EYS: variants seen among roughly 807,000 people sequenced by gnomAD.
The protein encoded by EYS is EGF-like photoreceptor maintenance factor, also known as protein eyes shut homolog.
In EYS, 250 loss-of-function variants were observed where a neutral mutation model predicts 282.1. The observed-to-expected ratio is 0.89, with a 90% CI of 0.80 to 0.98. The LOEUF (loss-of-function observed/expected upper bound fraction) is 0.98, where lower values mean the gene tolerates loss of function less well. Ranked by LOEUF, EYS falls within the 50% of genes least tolerant of loss-of-function variation. The pLI is 0.00. For synonymous variants in EYS, 1,355 were observed against 1,282.9 expected (o/e 1.06, Z -1.20); for missense variants, 4,016 against 3,709.0 (o/e 1.08, Z -2.15).
At chr6:65,181,534 C>T (rs2150233718) in intron 12 of EYS, among the ~76,000 whole-genome samples, 1 of 152,164 alleles carries the variant, frequency 6.6e-6, no homozygotes, top group South Asian at 2.1e-4. Flanking sequence ...GTTAGAATGG[C>T]AATCATTAAA....
chr6:64,104,114 T>C (rs963671026), intron 31 of EYS, among the ~76,000 whole-genome samples: 3 of 152,056 alleles, frequency 2.0e-5, no homozygotes, highest in East Asian at 1.9e-4. Flanking sequence ...TGGTTTCAAA[T>C]ATGGAAGAAA....
chr6:65,128,332 A>C (rs1775776553), intron 12 of EYS, among the ~76,000 whole-genome samples: 1 of 152,016 alleles, frequency 6.6e-6, no homozygotes, highest in South Asian at 2.1e-4. Flanking sequence ...TAGCTAGAAC[A>C]ATCAGGCAAG....
intron 33 of EYS, 146 bp downstream of exon 33, chr6:64,066,192 C>T (rs1240406998): frequency 3.7e-5 from 23 of 613,646 alleles, no homozygotes; most frequent in Non-Finnish European, 6.0e-5. Flanking sequence ...GCAGGAGAAT[C>T]GCTTGAACCC....
At chr6:63,900,493 C>T (rs1369644524) in intron 35 of EYS, among the ~76,000 whole-genome samples, 1 of 152,080 alleles carries the variant, frequency 6.6e-6, no homozygotes, top group African/African-American at 2.4e-5. Flanking sequence ...TCAAGCAGAT[C>T]TTAAGGATTG....
intron 2 of EYS, among the ~76,000 whole-genome samples, chr6:65,557,120 G>A (rs755175753): frequency 7.2e-5 from 11 of 152,070 alleles, no homozygotes; most frequent in Admixed American, 1.3e-4. Context: ...TAACAATGTC[G>A]CAAGATCCTT....
intron 12 of EYS, among the ~76,000 whole-genome samples, chr6:65,252,000 ACTTTC>A (rs1767338072): frequency 6.6e-6 from 1 of 151,874 alleles, no homozygotes; most frequent in Admixed American, 6.6e-5. Flanking sequence ...AGGGAGGGGA[ACTTTC>A]CTTTCTGTTT....
At chr6:64,320,742 A>G (rs571242970) in intron 29 of EYS, among the ~76,000 whole-genome samples, 1 of 151,672 alleles carries the variant, frequency 6.6e-6, no homozygotes, top group Non-Finnish European at 1.5e-5. Flanking sequence ...ATATTTAATC[A>G]TGTTTATTGA....
chr6:64,120,027 G>A (rs1039390437), intron 31 of EYS, among the ~76,000 whole-genome samples: 37 of 151,166 alleles, frequency 2.4e-4, no homozygotes, highest in African/African-American at 7.3e-4. Context: ...CCATATTATT[G>A]TGTTTTTTTA....
At chr6:64,600,478 C>T (rs1766729870) in intron 24 of EYS, among the ~76,000 whole-genome samples, 3 of 151,988 alleles carry the variant, frequency 2.0e-5, no homozygotes, top group African/African-American at 7.2e-5. Flanking sequence ...TACTTTGCTC[C>T]AAAACATGTA....
chr6:64,009,369 C>T (rs950660541), intron 33 of EYS, among the ~76,000 whole-genome samples: 5 of 151,456 alleles, frequency 3.3e-5, no homozygotes, highest in African/African-American at 7.3e-5. Context: ...CTGCAAGCTC[C>T]GCCCCCCAGG....
At chr6:65,108,800 ACT>A (rs1252948248) in intron 12 of EYS, among the ~76,000 whole-genome samples, 4 of 152,022 alleles carry the variant, frequency 2.6e-5, no homozygotes, top group East Asian at 1.9e-4. Context: ...TGCTTTCTCC[ACT>A]CTGTTACTAA....
At chr6:64,700,902 G>C (rs187893130) in intron 22 of EYS, among the ~76,000 whole-genome samples, 1 of 151,890 alleles carries the variant, frequency 6.6e-6, no homozygotes, top group Non-Finnish European at 1.5e-5. Context: ...AACAGAGCCC[G>C]AGTAAGCCAA....
chr6:64,243,278 A>T (rs1766897866), intron 30 of EYS, among the ~76,000 whole-genome samples: 1 of 152,016 alleles, frequency 6.6e-6, no homozygotes, highest in Non-Finnish European at 1.5e-5. Context: ...TTCTTTCTTT[A>T]TTAGCTTTTA....
At chr6:64,506,016 C>A (rs900356494) in intron 26 of EYS, among the ~76,000 whole-genome samples, 4 of 152,106 alleles carry the variant, frequency 2.6e-5, no homozygotes, top group African/African-American at 7.2e-5. Flanking sequence ...CACCTTCGCA[C>A]CTCATTCACA....
chr6:65,439,889 A>C (rs1768242118), intron 5 of EYS, among the ~76,000 whole-genome samples: 1 of 152,100 alleles, frequency 6.6e-6, no homozygotes, highest in African/African-American at 2.4e-5. Context: ...TTTAAACAGC[A>C]GCTGATAAAA....
intron 1 of EYS, among the ~76,000 whole-genome samples, chr6:65,704,656 A>G (rs1257530562): frequency 5.3e-5 from 8 of 152,238 alleles, no homozygotes; most frequent in Non-Finnish European, 5.9e-5. Flanking sequence ...ATAAAATATA[A>G]TAACTCAAGA....
chr6:65,246,586 A>G (rs530634046), intron 12 of EYS, among the ~76,000 whole-genome samples: 2 of 152,126 alleles, frequency 1.3e-5, no homozygotes, highest in East Asian at 3.9e-4. Flanking sequence ...CCCCCATAGT[A>G]ATATTTTTTT....
Position 65,335,272 on chromosome 6 carries a change from A to G in EYS, c.1600-126T>C, listed in dbSNP as rs190462222. 1.6e-4 allele frequency: 115 copies of G among 732,766 alleles called. No homozygotes were observed. In the East Asian group the frequency reaches 2.9e-3, roughly 18 times the overall value. 45.4% of individuals were successfully genotyped at this position (732,766 alleles called of 1,614,324 possible). On this transcript the variant is annotated intron_variant, in intron 10 of 42. Coordinates refer to ENST00000503581, the MANE Select transcript of EYS (RefSeq NM_001142800.2). ...TAAGATGAAACCTAGGGTTAAGGAA[A>G]CAGAAGGTAACTATTGGACAAGGGT...
intron 35 of EYS, among the ~76,000 whole-genome samples, chr6:63,971,735 T>C (rs921221838): frequency 1.3e-5 from 2 of 152,192 alleles, no homozygotes; most frequent in African/African-American, 2.4e-5. Flanking sequence ...TCCCACCACA[T>C]AGGTCTAACA....
Sources: gnomAD v4.1 joint callset for allele counts (sites outside exome capture counted in the v4.1 genomes callset) on GRCh38, gnomAD v4.1.1 for gene constraint, MANE v1.5 for transcripts, NCBI Gene and HGNC (gene_info 2026-07-23, HGNC 2026-07-21) for gene names.